TUSC3: variants seen among roughly 807,000 people sequenced by gnomAD.
The protein encoded by TUSC3 is dolichyl-diphosphooligosaccharide--protein glycosyltransferase subunit TUSC3.
TUSC3 carries 45 observed loss-of-function variants against 44.8 expected under a neutral mutation model. The ratio of observed to expected loss-of-function variants is 1.00; its 90% CI spans 0.79 to 1.29. The LOEUF (loss-of-function observed/expected upper bound fraction) is 1.29. TUSC3 is among the 50% of genes most tolerant of loss of function. The pLI, the probability that TUSC3 is intolerant of heterozygous loss-of-function variation, is 0.00. For missense variants in TUSC3, 519 were observed against 437.9 expected, an observed-to-expected ratio of 1.19 and a Z score of -1.65; for synonymous variants, 212 against 152.9, an observed-to-expected ratio of 1.39 and a Z score of -2.85.
intron 1 of TUSC3, among the ~76,000 whole-genome samples, chr8:15,479,162 C>T (rs566596672): frequency 2.6e-5 from 4 of 151,876 alleles, no homozygotes; most frequent in African/African-American, 9.7e-5. Flanking sequence ...TGTTTAAGTT[C>T]TTTGTAGATT....
chr8:15,603,155 C>T (rs1281089555), intron 1 of TUSC3, among the ~76,000 whole-genome samples: 1 of 151,438 alleles, frequency 6.6e-6, no homozygotes, highest in Non-Finnish European at 1.5e-5. Flanking sequence ...TAGTTAATTA[C>T]CACTAAAGAA....
rs543524880 is a variant in TUSC3, at chr8:15,600,872, A to G, written c.139-22208A>G. 2.7e-4 allele frequency among the ~76,000 whole-genome samples: 41 copies of G among 151,850 alleles called. 1 individual carries two copies. The South Asian group carries it at 7.7e-3, about 28-fold the overall frequency. ...TGTGCTATCAGTGTAAAATTGCTTA[A>G]TAACGATAGAAATGGTGAACCCAAA... On this transcript the variant is annotated intron_variant, in intron 1 of 10. Transcript: ENST00000503731.
intron 2 of TUSC3, among the ~76,000 whole-genome samples, chr8:15,487,555 A>G (rs1800749275): frequency 6.6e-6 from 1 of 152,214 alleles, no homozygotes; most frequent in South Asian, 2.1e-4. Context: ...ATGTCTTGTT[A>G]CTGAGATACT....
chr8:15,704,762 G>A (rs915480230), intron 6 of TUSC3, among the ~76,000 whole-genome samples: 1 of 151,814 alleles, frequency 6.6e-6, no homozygotes, highest in Non-Finnish European at 1.5e-5. Flanking sequence ...AAAAGAATGA[G>A]CATTGTTTGC....
intron 10 of TUSC3, among the ~76,000 whole-genome samples, chr8:15,758,946 G>C (rs548064260): frequency 1.1e-3 from 169 of 152,148 alleles, no homozygotes; most frequent in African/African-American, 3.9e-3. Context: ...AAGACCACTT[G>C]TTTTAGACTC....
chr8:15,777,505 C>G, the TUSC3 span, among the ~76,000 whole-genome samples: 1 of 152,068 alleles, frequency 6.6e-6, no homozygotes, highest in Non-Finnish European at 1.5e-5. Context: ...CAAATTTTCA[C>G]TGTGCTATAT....
chr8:15,813,373 G>GAAAC, the TUSC3 span, among the ~76,000 whole-genome samples: 3 of 68,748 alleles, frequency 4.4e-5, no homozygotes, highest in Non-Finnish European at 9.5e-5. Flanking sequence ...TAGCATTTCT[G>GAAAC]AAACAAACAA....
intron 1 of TUSC3, among the ~76,000 whole-genome samples, chr8:15,621,649 A>C (rs1320617632): frequency 2.8e-4 from 41 of 148,360 alleles, no homozygotes. Flanking sequence ...CTATATAGAT[A>C]AATCTATAGC....
chr8:15,509,986 A>G (rs1396606248), intron 2 of TUSC3, among the ~76,000 whole-genome samples: 1 of 152,192 alleles, frequency 6.6e-6, no homozygotes, highest in Non-Finnish European at 1.5e-5. Flanking sequence ...CCTGAGCCAC[A>G]TAGCAAGACC....
At chr8:15,538,161 G>A (rs958446696), upstream of TUSC3, among the ~76,000 whole-genome samples, 9 of 152,174 alleles carry the variant, frequency 5.9e-5, no homozygotes, top group African/African-American at 2.2e-4. Context: ...ATAGGTAAAT[G>A]CCTTATTACA....
At chr8:15,545,545 T>C (rs1340918251) in intron 1 of TUSC3, among the ~76,000 whole-genome samples, 1 of 151,750 alleles carries the variant, frequency 6.6e-6, no homozygotes, top group African/African-American at 2.4e-5. Flanking sequence ...AGTCAGTCAG[T>C]CCCTGCATTA....
chr8:15,693,441 CTTTTTTTTTTT>C (rs35915071), intron 6 of TUSC3, among the ~76,000 whole-genome samples: 16 of 96,902 alleles, frequency 1.7e-4, no homozygotes, highest in African/African-American at 6.3e-4. Context: ...GTTGGAAGTT[CTTTTTTTTTTT>C]TTTTTTTTTT....
intron 1 of TUSC3, among the ~76,000 whole-genome samples, chr8:15,548,089 G>T (rs1171640478): frequency 6.6e-6 from 1 of 151,652 alleles, no homozygotes; most frequent in African/African-American, 2.4e-5. Context: ...CTGGAACTCT[G>T]ATCTTGGACT....
At chr8:15,824,332 C>A in the TUSC3 span, among the ~76,000 whole-genome samples, 4 of 152,086 alleles carry the variant, frequency 2.6e-5, no homozygotes, top group African/African-American at 9.7e-5. Flanking sequence ...GGGATGTTTT[C>A]CTAAAACAGG....
chr8:15,485,647 A>G (rs1800724235), intron 2 of TUSC3, among the ~76,000 whole-genome samples: 1 of 152,054 alleles, frequency 6.6e-6, no homozygotes, highest in Non-Finnish European at 1.5e-5. Context: ...CCAAAACCAC[A>G]TGCGTCAGTG....
chr8:15,691,642 G>A lies in TUSC3; in HGVS notation c.798+17806G>A, dbSNP rs141206759. On this transcript the variant is annotated intron_variant, in intron 6 of 10. Transcript: ENST00000503731. Reference sequence around the variant, plus strand: ...CCCATTCACTATGATGTTGGCAGTGGGTTTTTCATAGAGGGCTGTTATTTT... The same window carrying A: ...CCCATTCACTATGATGTTGGCAGTGAGTTTTTCATAGAGGGCTGTTATTTT... 2.3e-3 allele frequency among the ~76,000 whole-genome samples: 357 copies of A among 152,206 alleles called. 2 individuals are homozygous for A. Among genetic ancestry groups the A allele is most frequent in the African/African-American group, 8.3e-3 (343 of 41,524 alleles).
At chr8:15,434,698 A>G (rs1799923004) in intron 1 of TUSC3, among the ~76,000 whole-genome samples, 1 of 144,456 alleles carries the variant, frequency 6.9e-6, no homozygotes, top group Non-Finnish European at 1.5e-5. Flanking sequence ...CCCCCACCCC[A>G]CAACAGGCCC....
chr8:15,432,968 A>G (rs1799888856), intron 1 of TUSC3, among the ~76,000 whole-genome samples: 1 of 152,158 alleles, frequency 6.6e-6, no homozygotes, highest in Non-Finnish European at 1.5e-5. Context: ...CTATATTTCA[A>G]AATGGTTTCT....
intron 2 of TUSC3, among the ~76,000 whole-genome samples, chr8:15,490,166 C>A (rs896623021): frequency 2.6e-5 from 4 of 152,108 alleles, no homozygotes; most frequent in African/African-American, 7.2e-5. Context: ...GCTAGAACAA[C>A]AAACAAGTGA....
Sources: allele counts gnomAD v4.1 joint callset (sites outside exome capture counted in the v4.1 genomes callset), GRCh38; gene constraint gnomAD v4.1.1; transcripts MANE v1.5; gene names NCBI Gene and HGNC (gene_info 2026-07-23, HGNC 2026-07-21).